The following FBXW7 variants were observed in gnomAD, a reference collection of about 807,000 sequenced individuals.
FBXW7 encodes the protein F-box/WD repeat-containing protein 7.
Under a neutral mutation model 86.3 loss-of-function variants are expected in FBXW7, and 11 were observed. The observed-to-expected ratio is 0.13, with a 90% CI of 0.08 to 0.21. FBXW7 has a LOEUF of 0.21. Ranked by LOEUF, FBXW7 falls within the 10% of genes least tolerant of loss-of-function variation. The pLI is 1.00. For missense variants in FBXW7, 488 were observed against 847.4 expected (o/e 0.58, Z 5.27); for synonymous variants, 313 against 297.9 (o/e 1.05, Z -0.52).
rs1743814836 is a variant in FBXW7 at position 152,470,106 on chromosome 4, A to G, written c.-119-57577T>C. Among the ~76,000 whole-genome samples, 4 of 147,920 alleles carry G rather than the reference A, an allele frequency of 2.7e-5. 1 individual carries two copies. In the South Asian group the frequency reaches 8.4e-4, roughly 31 times the overall value. On this transcript the variant is annotated intron_variant, in intron 2 of 13. Transcript: ENST00000281708. ...AATGACGGTAATTTGTTTCAGTAAA[A>G]CAGTTTAAAATCCAAACCATATGCT...
At chr4:152,325,488 CA>C (rs145757500) in intron 12 of FBXW7, 2,087 of 151,660 alleles carry the variant, frequency 0.014, 27 homozygotes, top group Middle Eastern at 0.037. Flanking sequence ...AAATATAAAC[CA>C]AAAAAAAGAA....
At chr4:152,361,333 T>C (rs2126697978) in intron 4 of FBXW7, among the ~76,000 whole-genome samples, 2 of 152,260 alleles carry the variant, frequency 1.3e-5, no homozygotes, top group Admixed American at 1.3e-4. Flanking sequence ...TTTAAAGTAC[T>C]TCCTATATAC....
intron 2 of FBXW7, among the ~76,000 whole-genome samples, chr4:152,471,372 GGAAGGAAGGAGA>G (rs1284155853): frequency 1.4e-5 from 2 of 143,474 alleles, no homozygotes; most frequent in Non-Finnish European, 3.0e-5. Context: ...AAGGAAGGAG[GGAAGGAAGGAGA>G]GAAGGAAGGA....
rs989293453 is a variant in FBXW7, at chr4:152,411,864, T to C, written c.-61A>G. 8 of 1,491,596 alleles carry C rather than the reference T, an allele frequency of 5.4e-6. No homozygotes were observed. The highest frequency in any genetic ancestry group is 7.1e-6 in the Non-Finnish European group (8 of 1,120,930). 92.4% of individuals were successfully genotyped at this position (1,491,596 alleles called of 1,614,324 possible). On this transcript the variant is annotated 5_prime_UTR_variant, in exon 4 of 14. Transcript: ENST00000281708. ...CTAGACTATCAGAAGATGCAAAGGTTTTCACATTCTGCAGGGGAAAATAGG... is the reference window on the plus strand; with the variant it reads ...CTAGACTATCAGAAGATGCAAAGGTCTTCACATTCTGCAGGGGAAAATAGG...
intron 2 of FBXW7, among the ~76,000 whole-genome samples, chr4:152,509,251 T>TA (rs1295787633): frequency 2.6e-5 from 4 of 152,216 alleles, no homozygotes; most frequent in Non-Finnish European, 5.9e-5. Flanking sequence ...ACATGAATGT[T>TA]AATCTCCTGA....
At chr4:152,368,240 A>C (rs945265557) in intron 4 of FBXW7, among the ~76,000 whole-genome samples, 1 of 152,144 alleles carries the variant, frequency 6.6e-6, no homozygotes, top group Non-Finnish European at 1.5e-5. Context: ...AATGAGCATG[A>C]GCAGCTGAAA....
chr4:152,440,879 A>C (rs1000468718), intron 2 of FBXW7, among the ~76,000 whole-genome samples: 1 of 151,772 alleles, frequency 6.6e-6, no homozygotes, highest in African/African-American at 2.4e-5. Flanking sequence ...TTCAGGTTCA[A>C]TACTGTAACA....
intron 2 of FBXW7, among the ~76,000 whole-genome samples, chr4:152,508,668 A>G (rs1298293101): frequency 6.7e-6 from 1 of 149,116 alleles, no homozygotes; most frequent in Non-Finnish European, 1.5e-5. Context: ...AAAAAAAAAG[A>G]AAAAAAAAAC....
intron 4 of FBXW7, among the ~76,000 whole-genome samples, chr4:152,388,701 A>C (rs919454088): frequency 1.3e-5 from 2 of 152,158 alleles, no homozygotes; most frequent in Non-Finnish European, 2.9e-5. Context: ...CTTGCAGTAC[A>C]ATTACCTGGA....
intron 2 of FBXW7, among the ~76,000 whole-genome samples, chr4:152,432,569 G>C (rs1231781094): frequency 6.6e-6 from 1 of 152,098 alleles, no homozygotes; most frequent in Non-Finnish European, 1.5e-5. Context: ...CACTTTGGGG[G>C]GCCAAGGCAG....
At chr4:152,349,314 C>CA (rs5863003) in intron 5 of FBXW7, among the ~76,000 whole-genome samples, 60,089 of 147,110 alleles carry the variant, frequency 0.41, 13,238 homozygotes, top group African/African-American at 0.61. Context: ...TTTTAAAGAC[C>CA]AAAAAAAAAA....
intron 4 of FBXW7, among the ~76,000 whole-genome samples, chr4:152,380,022 C>G (rs1246766962): frequency 2.6e-5 from 4 of 152,018 alleles, no homozygotes; most frequent in Non-Finnish European, 5.9e-5. Context: ...ACCATGCTTT[C>G]AAATTTTAAT....
At chr4:152,470,418 A>G (rs917385652) in intron 2 of FBXW7, among the ~76,000 whole-genome samples, 15 of 152,124 alleles carry the variant, frequency 9.9e-5, no homozygotes, top group Admixed American at 4.6e-4. Flanking sequence ...TGGCACCTAG[A>G]CAATCTAACT....
chr4:152,348,646 C>T, intron 5 of FBXW7: 1 of 796,482 alleles, frequency 1.3e-6, no homozygotes, highest in Non-Finnish European at 1.7e-6. Flanking sequence ...TTCTAAGCTG[C>T]CTTAAAAACA....
intron 2 of FBXW7, among the ~76,000 whole-genome samples, chr4:152,531,888 T>G (rs1210659389): frequency 2.6e-5 from 4 of 152,126 alleles, no homozygotes; most frequent in Non-Finnish European, 5.9e-5. Context: ...AAAAAAAATT[T>G]TAGCTTGTTT....
intron 2 of FBXW7, among the ~76,000 whole-genome samples, chr4:152,435,902 G>C (rs943237881): frequency 3.3e-5 from 5 of 152,090 alleles, no homozygotes; most frequent in Admixed American, 3.3e-4. Context: ...GATGATCAAT[G>C]ATCAGTGATC....
intron 11 of FBXW7, among the ~76,000 whole-genome samples, chr4:152,326,591 T>C (rs1055613627): frequency 6.6e-6 from 1 of 152,020 alleles, no homozygotes; most frequent in Non-Finnish European, 1.5e-5. Flanking sequence ...ATTTTAGAAA[T>C]AAAATGTTAA....
At position 152,467,238 on chromosome 4, in the gene FBXW7, T is replaced by C. The variant is rs139808748; in HGVS notation, c.-119-54709A>G. ...GATGACCTCCATGCTGTTCTCATAA[T>C]AGTGACTGAGTTCCCACAAGATCTG... On this transcript the variant is annotated intron_variant, in intron 2 of 13. Transcript: ENST00000281708. Among the ~76,000 whole-genome samples the C allele has an allele frequency of 3.3e-5, 5 of 152,236 alleles. No individual in the cohort carries two copies. In the East Asian group the frequency reaches 9.7e-4, roughly 29 times the overall value.
At chr4:152,525,577 T>C (rs930990026) in intron 2 of FBXW7, among the ~76,000 whole-genome samples, 1 of 152,222 alleles carries the variant, frequency 6.6e-6, no homozygotes, top group Non-Finnish European at 1.5e-5. Context: ...CCTGCATTAG[T>C]GTGCTACGGA....
Sources: gnomAD v4.1 joint callset for allele counts (sites outside exome capture counted in the v4.1 genomes callset) on GRCh38, gnomAD v4.1.1 for gene constraint, MANE v1.5 for transcripts, NCBI Gene and HGNC (gene_info 2026-07-23, HGNC 2026-07-21) for gene names.